Variants in GLI2 observed in about 807,000 individuals in gnomAD.
GLI2 encodes the protein GLI family zinc finger 2.
Under a neutral mutation model 78.9 loss-of-function variants are expected in GLI2, and 22 were observed. The ratio of observed to expected loss-of-function variants is 0.28; its 90% CI spans 0.20 to 0.40. GLI2 has a LOEUF of 0.40. Ranked by LOEUF, GLI2 falls within the 10% of genes least tolerant of loss-of-function variation. GLI2 has a pLI of 1.00. For missense variants in GLI2, 2,097 were observed against 2,213.2 expected (o/e 0.95, Z 1.05); for synonymous variants, 974 against 963.7 (o/e 1.01, Z -0.20).
intron 2 of GLI2, among the ~76,000 whole-genome samples, chr2:120,917,361 A>G (rs1198208356): frequency 2.6e-5 from 4 of 152,216 alleles, no homozygotes; most frequent in African/African-American, 9.6e-5. Context: ...CCAGTGGTGC[A>G]TCTGTTCTTG....
chr2:120,873,499 G>A (rs1405646855), intron 2 of GLI2, among the ~76,000 whole-genome samples: 5 of 152,142 alleles, frequency 3.3e-5, no homozygotes, highest in Non-Finnish European at 7.4e-5. Flanking sequence ...TAGCTTTTCC[G>A]CCTTGGGTCT....
intron 1 of GLI2, among the ~76,000 whole-genome samples, chr2:120,743,402 G>A (rs532381782): frequency 1.3e-5 from 2 of 152,144 alleles, no homozygotes; most frequent in African/African-American, 4.8e-5. Flanking sequence ...TCAGGAGTTC[G>A]AGGCCAGCCT....
At chr2:120,890,352 G>T (rs185049384) in intron 2 of GLI2, among the ~76,000 whole-genome samples, 7 of 152,280 alleles carry the variant, frequency 4.6e-5, no homozygotes, top group Non-Finnish European at 7.3e-5. Flanking sequence ...TGCTCATCGT[G>T]ACAGAACTGT....
chr2:120,819,548 T>A (rs964445447), intron 2 of GLI2, among the ~76,000 whole-genome samples: 14 of 152,150 alleles, frequency 9.2e-5, no homozygotes, highest in African/African-American at 3.4e-4. Flanking sequence ...CCGGTTTTTG[T>A]ATTTTCTATC....
intron 1 of GLI2, among the ~76,000 whole-genome samples, chr2:120,781,588 A>G (rs181975101): frequency 6.6e-6 from 1 of 152,350 alleles, no homozygotes; most frequent in East Asian, 1.9e-4. Flanking sequence ...GTTTTACATT[A>G]AAGAACATTA....
intron 2 of GLI2, among the ~76,000 whole-genome samples, chr2:120,853,496 G>C (rs1166606609): frequency 6.6e-6 from 1 of 152,186 alleles, no homozygotes; most frequent in Admixed American, 6.5e-5. Context: ...GGAGCAGCAG[G>C]CCTGCCAGTC....
chr2:120,904,155 A>G (rs376358729), intron 2 of GLI2, among the ~76,000 whole-genome samples: 7 of 152,202 alleles, frequency 4.6e-5, no homozygotes, highest in Non-Finnish European at 8.8e-5. Flanking sequence ...GACTGGGAGG[A>G]TGGAGACCCC....
At chr2:120,853,583 C>T in intron 2 of GLI2, among the ~76,000 whole-genome samples, 2 of 152,294 alleles carry the variant, frequency 1.3e-5, no homozygotes, top group Middle Eastern at 6.8e-3. Flanking sequence ...TCACTAGTCC[C>T]TTGCATATTA....
chr2:120,909,595 G>C (rs1678712484), intron 2 of GLI2, among the ~76,000 whole-genome samples: 1 of 152,216 alleles, frequency 6.6e-6, no homozygotes, highest in Admixed American at 6.5e-5. Flanking sequence ...GCCGGGCGTG[G>C]TGGCTCACAC....
intron 3 of GLI2, among the ~76,000 whole-genome samples, chr2:120,947,250 G>A (rs1327762769): frequency 1.3e-5 from 2 of 152,230 alleles, no homozygotes; most frequent in Non-Finnish European, 2.9e-5. Context: ...AGCCCCACCT[G>A]GGTTGGTTGT....
chr2:120,951,841 T>C (rs190262830), intron 4 of GLI2: 1 of 168,828 alleles, frequency 5.9e-6, no homozygotes, highest in Non-Finnish European at 1.3e-5. Context: ...GCGTCTCTGT[T>C]GGATCTGCCC....
intron 3 of GLI2, among the ~76,000 whole-genome samples, chr2:120,944,891 C>A (rs1189067195): frequency 2.0e-5 from 3 of 152,282 alleles, no homozygotes; most frequent in African/African-American, 7.2e-5. Context: ...ATCCCTGTGG[C>A]AGCAGCCACA....
intron 1 of GLI2, among the ~76,000 whole-genome samples, chr2:120,746,292 G>T (rs1339747235): frequency 6.6e-6 from 1 of 152,230 alleles, no homozygotes; most frequent in Non-Finnish European, 1.5e-5. Flanking sequence ...TACAGTGATT[G>T]TAGCAGTGAG....
chr2:120,895,999 AG>A (rs1392267269), intron 2 of GLI2, among the ~76,000 whole-genome samples: 3 of 152,170 alleles, frequency 2.0e-5, no homozygotes, highest in Admixed American at 2.0e-4. Flanking sequence ...TTTATGGGTG[AG>A]GAAACTGAGA....
At position 120,918,245 on chromosome 2, in the gene GLI2, G is replaced by T. The variant is rs1679192727; in HGVS notation, c.149-9116G>T. The stretch of plus-strand genomic sequence containing the variant: ...CGTATCCCTAGATCAGACCTGGATG[G>T]CTGAAGGAGGGAGCATCGGTGGATG... On this transcript the variant is annotated intron_variant, in intron 2 of 13. Coordinates refer to ENST00000361492, the MANE Select transcript of GLI2 (RefSeq NM_001374353.1). Among the ~76,000 whole-genome samples, 2 of 152,164 alleles carry T rather than the reference G, an allele frequency of 1.3e-5. 1 individual carries two copies. The highest frequency in any genetic ancestry group is 4.1e-4 in the South Asian group (2 of 4,834).
intron 2 of GLI2, among the ~76,000 whole-genome samples, chr2:120,894,612 G>T (rs371990288): frequency 3.0e-4 from 45 of 152,202 alleles, no homozygotes; most frequent in South Asian, 1.9e-3. Flanking sequence ...TAACCCTTGG[G>T]GGGGGGTACC....
intron 5 of GLI2, among the ~76,000 whole-genome samples, chr2:120,965,172 A>G (rs913798260): frequency 7.2e-4 from 96 of 134,130 alleles, no homozygotes; most frequent in Middle Eastern, 0.011. Context: ...CACTCCAGCC[A>G]GGATGCAGAT....
At chr2:120,783,941 T>C (rs1683919801) in intron 1 of GLI2, among the ~76,000 whole-genome samples, 1 of 152,152 alleles carries the variant, frequency 6.6e-6, no homozygotes, top group Non-Finnish European at 1.5e-5. Context: ...GCCAATGAGA[T>C]CTGACTGGCA....
chr2:120,960,531 A>G (rs1345306035), intron 5 of GLI2, among the ~76,000 whole-genome samples: 2 of 152,068 alleles, frequency 1.3e-5, no homozygotes, highest in African/African-American at 2.4e-5. Flanking sequence ...TTTTTAACAG[A>G]CTCACCTTTT....
Sources: gnomAD v4.1 joint callset for allele counts (sites outside exome capture counted in the v4.1 genomes callset) on GRCh38, gnomAD v4.1.1 for gene constraint, MANE v1.5 for transcripts, NCBI Gene and HGNC (gene_info 2026-07-23, HGNC 2026-07-21) for gene names.